ZNF454: variants seen among roughly 807,000 people sequenced by gnomAD.
ZNF454 encodes zinc finger protein 454.
Under a neutral mutation model 48.2 loss-of-function variants are expected in ZNF454, and 30 were observed. That is an observed-to-expected ratio of 0.62 (90% confidence interval 0.47 to 0.84). ZNF454 has a LOEUF of 0.84. ZNF454 is among the 40% of genes least tolerant of loss of function. The pLI is 0.00. For synonymous variants in ZNF454, 204 were observed against 211.4 expected, an observed-to-expected ratio of 0.97 and a Z score of 0.30; for missense variants, 510 against 623.1, an observed-to-expected ratio of 0.82 and a Z score of 1.93.
chr5:178,987,645 G>A, the ZNF454 span, among the ~76,000 whole-genome samples: 1 of 152,210 alleles, frequency 6.6e-6, no homozygotes, highest in Non-Finnish European at 1.5e-5. Context: ...GCGGTTGCAG[G>A]TGCTGGCGGG....
At chr5:178,952,140 C>A (rs1211647501) in intron 4 of ZNF454, among the ~76,000 whole-genome samples, 1 of 151,928 alleles carries the variant, frequency 6.6e-6, no homozygotes, top group Non-Finnish European at 1.5e-5. Flanking sequence ...CGGGTTCACG[C>A]CATTCTCCTG....
the ZNF454 span, chr5:178,981,460 A>G: frequency 3.5e-6 from 2 of 573,478 alleles, no homozygotes; most frequent in African/African-American, 1.9e-5. This position sits in a 1 kb window ranked among gnomAD's most constrained non-coding sequence, Gnocchi z 5.1. Flanking sequence ...GTGAGGAAGC[A>G]TGAAGCTCAC....
At chr5:178,973,375 T>G in the ZNF454 span, among the ~76,000 whole-genome samples, 1 of 152,218 alleles carries the variant, frequency 6.6e-6, no homozygotes, top group African/African-American at 2.4e-5. Context: ...ATGGAAAAGT[T>G]TCCAATTATT....
At position 178,966,097 on chromosome 5, in the gene ZNF454, G is replaced by T. The variant is rs1266786463; in HGVS notation, c.*124G>T. The T allele has an allele frequency of 2.2e-6, 2 of 926,674 alleles. No homozygotes were observed. The highest frequency in any genetic ancestry group is 3.7e-5 in the South Asian group (2 of 54,644). The allele number at this position is 926,674 out of a possible 1,614,324, so 57.4% of individuals were successfully genotyped here. A position where few individuals can be genotyped will look rare whatever the true frequency, so the allele number is the denominator to read the frequency against. ...AAGATAGTCACTTTATTTACTGAGG[G>T]TCAGGTTTCACAGTGTCATGGGGTT... On this transcript the variant is annotated 3_prime_UTR_variant, in exon 5 of 5. Transcript: ENST00000519564.
intron 4 of ZNF454, among the ~76,000 whole-genome samples, chr5:178,958,216 C>T (rs1468819128): frequency 6.6e-6 from 1 of 152,182 alleles, no homozygotes; most frequent in African/African-American, 2.4e-5. Flanking sequence ...TCAGCACTCA[C>T]ATCAAGAAAT....
intron 4 of ZNF454, among the ~76,000 whole-genome samples, chr5:178,959,668 C>T (rs185090956): frequency 1.5e-3 from 215 of 147,466 alleles, no homozygotes; most frequent in African/African-American, 5.2e-3. Context: ...TGCAGTGGCA[C>T]AATCTCAGCT....
the ZNF454 span, chr5:178,988,990 C>A: frequency 1.2e-6 from 2 of 1,614,092 alleles, no homozygotes; most frequent in Non-Finnish European, 1.7e-6. This position sits in a 1 kb window ranked among gnomAD's most constrained non-coding sequence, Gnocchi z 6.0. Flanking sequence ...CAGTGGGTTC[C>A]ATCGCCGGGC....
chr5:178,984,756 C>G, the ZNF454 span, among the ~76,000 whole-genome samples: 1 of 152,180 alleles, frequency 6.6e-6, no homozygotes, highest in Non-Finnish European at 1.5e-5. Context: ...CGGAGAACTG[C>G]ATGACCCGAG....
At chr5:178,947,598 C>T (rs1206225456) in intron 4 of ZNF454, among the ~76,000 whole-genome samples, 2 of 152,128 alleles carry the variant, frequency 1.3e-5, no homozygotes, top group Non-Finnish European at 2.9e-5. Context: ...AGACTTGTTG[C>T]CTGGGGATAC....
rs776175490 is a variant in ZNF454 at position 178,965,839 on chromosome 5, C to T, written c.1435C>T (p.Arg479Ter). 6.2e-6 allele frequency: 10 copies of T among 1,613,754 alleles called. No individual in the cohort carries two copies. The highest frequency in any genetic ancestry group is 1.6e-4 in the Middle Eastern group (1 of 6,084). ...TAAAATCTGTGAGAAAGCCTTTATC[C>T]GAAGCACTCACCTGACTCAACATCA... is the stretch of plus-strand genomic sequence containing the variant. ...KCKICEKAFI[R>*]STHLTQHQRI... Residue 479 changes from arginine (R) to a stop codon, truncating the protein, a stop_gained, in exon 5 of 5, where the codon CGA becomes TGA. Transcript: ENST00000519564. LOFTEE classifies it high-confidence loss of function. This position sits in a 1 kb window ranked among gnomAD's most constrained non-coding sequence, Gnocchi z 5.2.
the ZNF454 span, chr5:178,986,350 T>C: frequency 6.2e-7 from 1 of 1,613,978 alleles, no homozygotes; most frequent in Non-Finnish European, 8.5e-7. Context: ...GGTGATGGCG[T>C]AGATGAGGAA....
At chr5:178,967,150 G>A (rs559648776), downstream of ZNF454, among the ~76,000 whole-genome samples, 8 of 152,272 alleles carry the variant, frequency 5.3e-5, no homozygotes, top group Admixed American at 3.3e-4. Flanking sequence ...TGCCTGTGCC[G>A]CCTTTACCCT....
rs1247220133 is a variant in ZNF454, at chr5:178,965,354, A to G, written c.950A>G (p.Lys317Arg). The change falls in exon 5 of 5, where the codon AAA (lysine) becomes AGA (arginine). Residue 317 changes from lysine (K) to arginine (R), a missense_variant. Coordinates refer to ENST00000519564, the MANE Select transcript of ZNF454 (RefSeq NM_001178089.3). The surrounding 1 kb of genome is among the most constrained non-coding windows in gnomAD (Gnocchi z 5.2). Reference protein sequence around the residue: ...KAFVCRAHLTKHQNIHSGEKP... With the variant: ...KAFVCRAHLTRHQNIHSGEKP... Reference sequence around the variant, plus strand: ...TTTGTGTGCAGGGCACACCTTACCAAACACCAGAATATCCACAGTGGAGAG... The same window carrying G: ...TTTGTGTGCAGGGCACACCTTACCAGACACCAGAATATCCACAGTGGAGAG... The G allele has an allele frequency of 3.7e-6, 6 of 1,614,112 alleles. No homozygotes were observed. Among genetic ancestry groups the G allele is most frequent in the Non-Finnish European group, 5.1e-6 (6 of 1,180,050 alleles).
the ZNF454 span, chr5:178,979,900 G>C: frequency 1.9e-5 from 3 of 154,460 alleles, no homozygotes; most frequent in African/African-American, 7.2e-5. Flanking sequence ...AAGAAAACAC[G>C]CCCCATTACC....
chr5:178,952,239 G>A lies in ZNF454; in HGVS notation c.250+5253G>A, dbSNP rs540736521. 3.6e-3 allele frequency among the ~76,000 whole-genome samples: 546 copies of A among 152,090 alleles called. 2 individuals carry two copies. The highest frequency in any genetic ancestry group is 0.02 in the Middle Eastern group (6 of 294). On this transcript the variant is annotated intron_variant, in intron 4 of 4. Transcript: ENST00000519564. ...TTTTTAGTAGAGACGGGGTTTCACC[G>A]TTTTAGCCGGGATGGTCTCGATCTC... is the stretch of plus-strand genomic sequence containing the variant.
chr5:178,942,542 C>T, intron 1 of ZNF454, 143 bp from the exon 2 acceptor site: 1 of 493,064 alleles, frequency 2.0e-6, no homozygotes. Context: ...ATAGTACCCT[C>T]AGAAGGAGGA....
At chr5:178,980,234 T>C in the ZNF454 span, 7 of 154,122 alleles carry the variant, frequency 4.5e-5, no homozygotes, top group African/African-American at 1.7e-4. This position sits in a 1 kb window ranked among gnomAD's most constrained non-coding sequence, Gnocchi z 4.3. Flanking sequence ...GAATGTATAC[T>C]GATCTTAAAC....
At chr5:178,945,055 G>A (rs1759256447) in intron 2 of ZNF454, among the ~76,000 whole-genome samples, 1 of 141,612 alleles carries the variant, frequency 7.1e-6, no homozygotes, top group Non-Finnish European at 1.5e-5. Flanking sequence ...GAGGGTGTGT[G>A]TCACAGGGTG....
chr5:178,950,866 T>TC (rs1759527831), intron 4 of ZNF454, among the ~76,000 whole-genome samples: 2 of 151,788 alleles, frequency 1.3e-5, no homozygotes, highest in Admixed American at 6.6e-5. Context: ...TCTTTCTTTT[T>TC]TTTTTTTTTG....
Sources: allele counts gnomAD v4.1 joint callset (sites outside exome capture counted in the v4.1 genomes callset), GRCh38; gene constraint gnomAD v4.1.1; non-coding constraint Gnocchi (gnomAD v3.1); transcripts MANE v1.5; gene names NCBI Gene and HGNC (gene_info 2026-07-23, HGNC 2026-07-21).